Variants in CENPN observed in about 807,000 individuals in gnomAD.
CENPN encodes interphase centromere complex protein 32.
CENPN carries 36 observed loss-of-function variants against 48.6 expected under a neutral mutation model. The ratio of observed to expected loss-of-function variants is 0.74; its 90% CI spans 0.57 to 0.98. The LOEUF (loss-of-function observed/expected upper bound fraction) is 0.98. CENPN is among the 50% of genes least tolerant of loss of function. The pLI is 0.00. For missense variants in CENPN, 439 were observed against 399.2 expected (o/e 1.10, Z -0.85); for synonymous variants, 166 against 135.2 (o/e 1.23, Z -1.58).
Position 81,030,413 on chromosome 16 carries a change from C to G in CENPN, c.*1762C>G. 1.0e-6 allele frequency: 1 copy of G among 984,594 alleles called. No homozygotes were observed. Among genetic ancestry groups the G allele is most frequent in the Non-Finnish European group, 1.2e-6 (1 of 829,380 alleles). 61.0% of individuals were successfully genotyped at this position (984,594 alleles called of 1,614,324 possible). A position where few individuals can be genotyped will look rare whatever the true frequency, so the allele number is the denominator to read the frequency against. ...ACCAGATATGTGGGGGAGGGGGTTT[C>G]CCCCACACATTAAGCAAGTGTGAAA... On this transcript the variant is annotated 3_prime_UTR_variant, in exon 11 of 11. Coordinates refer to ENST00000305850, the MANE Select transcript of CENPN (RefSeq NM_001100624.3).
chr16:81,026,293 G>T (rs1039588899), intron 8 of CENPN, among the ~76,000 whole-genome samples: 1 of 151,204 alleles, frequency 6.6e-6, no homozygotes, highest in Non-Finnish European at 1.5e-5. Flanking sequence ...AATGCTAACA[G>T]TGCTTATCTC....
intron 5 of CENPN, among the ~76,000 whole-genome samples, chr16:81,019,555 T>C (rs1048387881): frequency 6.6e-6 from 1 of 152,152 alleles, no homozygotes; most frequent in Non-Finnish European, 1.5e-5. Flanking sequence ...GTTTATAGCG[T>C]GTGCTAGGTC....
At chr16:81,019,985 A>G (rs374243535) in intron 5 of CENPN, 115 bp from the exon 6 acceptor site, 4 of 681,308 alleles carry the variant, frequency 5.9e-6, no homozygotes, top group Admixed American at 7.3e-5. Context: ...CCAGGTCTCA[A>G]CCTGCATACA....
chr16:81,024,993 A>G (rs1248466074), intron 8 of CENPN, among the ~76,000 whole-genome samples: 1 of 152,266 alleles, frequency 6.6e-6, no homozygotes, highest in Non-Finnish European at 1.5e-5. Context: ...CAAAACAATA[A>G]TTACAAAAAC....
intron 2 of CENPN, 31 bp from the exon 3 acceptor site, chr16:81,014,105 C>T (rs1597308683): frequency 1.3e-6 from 2 of 1,594,686 alleles, no homozygotes; most frequent in Admixed American, 1.7e-5. Context: ...CCTATAACCA[C>T]AGTTACTAAA....
chr16:81,009,917 G>A (rs1969673273), intron 1 of CENPN, among the ~76,000 whole-genome samples: 1 of 152,228 alleles, frequency 6.6e-6, no homozygotes, highest in African/African-American at 2.4e-5. Flanking sequence ...CATGTTTGCA[G>A]ACCACGCGCG....
chr16:81,026,460 A>T (rs1168280371), intron 8 of CENPN, 66 bp from the exon 9 acceptor site: 1 of 708,068 alleles, frequency 1.4e-6, no homozygotes, highest in Non-Finnish European at 2.4e-6. Context: ...TAGGAATGAA[A>T]GGAGGATAAT....
intron 1 of CENPN, among the ~76,000 whole-genome samples, chr16:81,008,735 A>C (rs1248876347): frequency 6.6e-6 from 1 of 152,204 alleles, no homozygotes; most frequent in African/African-American, 2.4e-5. Context: ...CATTCATTCC[A>C]CAAGTATTTA....
At chr16:81,025,043 A>T (rs181157659) in intron 8 of CENPN, among the ~76,000 whole-genome samples, 1 of 152,362 alleles carries the variant, frequency 6.6e-6, no homozygotes, top group Admixed American at 6.5e-5. Flanking sequence ...CTTGTGTGCC[A>T]GGCACCACAC....
At chr16:81,012,546 A>G (rs1458004052) in intron 2 of CENPN, among the ~76,000 whole-genome samples, 4 of 152,178 alleles carry the variant, frequency 2.6e-5, no homozygotes, top group South Asian at 2.1e-4. Context: ...ATTTAGTTCA[A>G]ATAATTTTCT....
downstream of CENPN, chr16:81,032,996 T>G: frequency 4.8e-6 from 1 of 209,874 alleles, no homozygotes; most frequent in Non-Finnish European, 9.4e-6. Flanking sequence ...AAGGAAAATG[T>G]GAAAAGTGAT....
intron 2 of CENPN, among the ~76,000 whole-genome samples, chr16:81,013,232 G>C (rs1014688602): frequency 4.4e-4 from 67 of 152,162 alleles, no homozygotes; most frequent in African/African-American, 1.5e-3. Context: ...CTAACATATG[G>C]ATGGATATCA....
In CENPN at chr16:81,026,645, TGTC is replaced by T. The variant is rs1970511820; in HGVS notation, c.810+10_810+12del. On this transcript the variant is annotated splice_region_variant and intron_variant, in intron 9 of 10. Transcript: ENST00000305850. Reference sequence around the variant, plus strand: ...AGAATTTGCACAATATAAGGTAAGATGTCGTAATAAATATTAAGTACAAGATAT... The same window carrying T: ...AGAATTTGCACAATATAAGGTAAGATGTAATAAATATTAAGTACAAGATAT... 2.2e-6 allele frequency: 3 copies of T among 1,394,766 alleles called. No homozygotes were observed. Among genetic ancestry groups the T allele is most frequent in the East Asian group, 2.3e-5 (1 of 43,296 alleles). The allele number at this position is 1,394,766 out of a possible 1,614,324, so 86.4% of individuals were successfully genotyped here. A position where few individuals can be genotyped will look rare whatever the true frequency, so the allele number is the denominator to read the frequency against.
chr16:81,008,760 G>C (rs1969613995), intron 1 of CENPN, among the ~76,000 whole-genome samples: 1 of 152,214 alleles, frequency 6.6e-6, no homozygotes, highest in African/African-American at 2.4e-5. Flanking sequence ...AGACACATTA[G>C]ACTGTTCTTG....
At chr16:81,032,502 A>G, downstream of CENPN, 1 of 1,484,836 alleles carries the variant, frequency 6.7e-7, no homozygotes, top group Non-Finnish European at 9.1e-7. Context: ...CGTTAATAAA[A>G]CTTGTATGTC....
chr16:81,015,732 G>A lies in CENPN; in HGVS notation c.217+1551G>A, dbSNP rs144787356. On this transcript the variant is annotated intron_variant, in intron 3 of 10. Coordinates refer to ENST00000305850, the MANE Select transcript of CENPN (RefSeq NM_001100624.3). ...AAATTCATTAAGCACCTGGCTGGACGCAGTGGCTCACACCTGTAATCCCAG... is the reference window on the plus strand; with the variant it reads ...AAATTCATTAAGCACCTGGCTGGACACAGTGGCTCACACCTGTAATCCCAG... Among the ~76,000 whole-genome samples, 375 of 152,242 alleles carry A rather than the reference G, an allele frequency of 2.5e-3. 2 individuals carry two copies. Among genetic ancestry groups the A allele is most frequent in the African/African-American group, 6.7e-3 (277 of 41,548 alleles).
chr16:81,017,900 T>C, intron 5 of CENPN, 66 bp downstream of exon 5: 1 of 926,450 alleles, frequency 1.1e-6, no homozygotes, highest in Non-Finnish European at 1.7e-6. Flanking sequence ...TAAAATTTGC[T>C]ACTATCATAG....
intron 3 of CENPN, among the ~76,000 whole-genome samples, chr16:81,016,425 A>T (rs1392303980): frequency 6.6e-6 from 1 of 152,250 alleles, no homozygotes; most frequent in Non-Finnish European, 1.5e-5. Flanking sequence ...CATTTCCATC[A>T]GAGTCTAACT....
At chr16:81,011,730 C>T (rs1461830097) in intron 1 of CENPN, among the ~76,000 whole-genome samples, 200 bp from the exon 2 acceptor site, 1 of 152,170 alleles carries the variant, frequency 6.6e-6, no homozygotes, top group African/African-American at 2.4e-5. Flanking sequence ...TGGCCAGGCG[C>T]AGTAGCTCAC....
Sources: gnomAD v4.1 joint callset for allele counts (sites outside exome capture counted in the v4.1 genomes callset) on GRCh38, gnomAD v4.1.1 for gene constraint, MANE v1.5 for transcripts, NCBI Gene and HGNC (gene_info 2026-07-23, HGNC 2026-07-21) for gene names.